The following LPIN1 variants were observed in gnomAD, a reference collection of about 807,000 sequenced individuals.
The protein encoded by LPIN1 is phosphatidate phosphatase LPIN1.
LPIN1 carries 71 observed loss-of-function variants against 107.5 expected under a neutral mutation model. That is an observed-to-expected ratio of 0.66 (90% CI 0.55 to 0.80). The LOEUF is 0.80. Ranked by LOEUF, LPIN1 falls within the 30% of genes least tolerant of loss-of-function variation. The probability of loss-of-function intolerance (pLI) is 0.00; values close to 1 mark genes in which losing one functional copy is unlikely to be tolerated. For synonymous variants in LPIN1, 445 were observed against 452.6 expected, an observed-to-expected ratio of 0.98 and a Z score of 0.21; for missense variants, 1,043 against 1,160.6, an observed-to-expected ratio of 0.90 and a Z score of 1.47.
In LPIN1 at chr2:11,785,017, T is replaced by G. The variant is rs779902634; in HGVS notation, c.1490T>G (p.Leu497Arg). The change falls in exon 10 of 21, where the codon CTC becomes CGC. Residue 497 changes from leucine (L) to arginine (R), a missense_variant. Transcript: ENST00000674199. The part of the protein sequence containing the change: ...VESTSDGLRD[L>R]PSIAISLCGG... ...AGCACCTCGGACGGGCTGAGGGACCTCCCTTCCATCGCCATCTCCCTCTGC... is the reference window on the plus strand; with the variant it reads ...AGCACCTCGGACGGGCTGAGGGACCGCCCTTCCATCGCCATCTCCCTCTGC... 6.2e-7 allele frequency: 1 copy of G among 1,609,212 alleles called. No individual in the cohort carries two copies. Among genetic ancestry groups the G allele is most frequent in the Non-Finnish European group, 8.5e-7 (1 of 1,177,032 alleles).
intron 1 of LPIN1, among the ~76,000 whole-genome samples, chr2:11,761,235 A>C (rs73185123): frequency 0.064 from 9,680 of 152,292 alleles, 1,014 homozygotes; most frequent in African/African-American, 0.22. Context: ...TGGAAGGAAT[A>C]AGAAGTATTA....
intron 1 of LPIN1, among the ~76,000 whole-genome samples, chr2:11,728,708 G>T (rs898437047): frequency 9.2e-5 from 14 of 151,488 alleles, no homozygotes; most frequent in African/African-American, 2.7e-4. Context: ...TCTGTTCTTT[G>T]TTTTTTTTCT....
intron 12 of LPIN1, among the ~76,000 whole-genome samples, chr2:11,789,085 T>A (rs1675182782): frequency 6.6e-6 from 1 of 152,260 alleles, no homozygotes; most frequent in African/African-American, 2.4e-5. Context: ...CAATGATAGA[T>A]CTTCCTGCTA....
chr2:11,694,494 G>GA (rs560469095), intron 1 of LPIN1, among the ~76,000 whole-genome samples: 191 of 152,262 alleles, frequency 1.3e-3, no homozygotes, highest in African/African-American at 4.5e-3. Flanking sequence ...CTGCAGCATT[G>GA]AGTGTCTGTG....
chr2:11,794,971 T>A (rs967642235), intron 13 of LPIN1, among the ~76,000 whole-genome samples: 4 of 152,180 alleles, frequency 2.6e-5, no homozygotes, highest in African/African-American at 9.7e-5. Context: ...GAGTATGTCA[T>A]CTTGGAAAAG....
intron 1 of LPIN1, among the ~76,000 whole-genome samples, chr2:11,701,502 C>G (rs1572347560): frequency 6.6e-6 from 1 of 152,286 alleles, no homozygotes; most frequent in African/African-American, 2.4e-5. Flanking sequence ...GTGGCACACA[C>G]AGTAGACTCT....
intron 3 of LPIN1, among the ~76,000 whole-genome samples, chr2:11,768,842 A>G (rs553584194): frequency 2.6e-5 from 4 of 152,322 alleles, no homozygotes; most frequent in Admixed American, 1.3e-4. Context: ...AGACTGAGGC[A>G]GGAGAATGGC....
At chr2:11,709,178 C>T (rs994302363) in intron 1 of LPIN1, among the ~76,000 whole-genome samples, 3 of 152,206 alleles carry the variant, frequency 2.0e-5, no homozygotes, top group African/African-American at 4.8e-5. Context: ...CCATCTCCCC[C>T]CTACTCAGAG....
intron 1 of LPIN1, among the ~76,000 whole-genome samples, chr2:11,764,051 C>A: frequency 9.3e-6 from 1 of 108,030 alleles, no homozygotes; most frequent in African/African-American, 3.8e-5. Flanking sequence ...ATCCTATCTT[C>A]AAATGTGTGT....
At chr2:11,740,268 T>C (rs1666205013) in intron 1 of LPIN1, among the ~76,000 whole-genome samples, 1 of 152,142 alleles carries the variant, frequency 6.6e-6, no homozygotes, top group Non-Finnish European at 1.5e-5. Context: ...TGAGGATGAA[T>C]CTTCCTTCCT....
chr2:11,736,900 C>T (rs1665842666), intron 1 of LPIN1, among the ~76,000 whole-genome samples: 1 of 152,198 alleles, frequency 6.6e-6, no homozygotes, highest in Non-Finnish European at 1.5e-5. Context: ...AATATCATCC[C>T]TGGGACTGGC....
rs541100444 is a variant in LPIN1, at chr2:11,826,584, A to T, written c.*1793A>T. The stretch of plus-strand genomic sequence containing the variant: ...CTGCGCTTGTTCACTAGTAACCTAA[A>T]GAGGCTATATTCATTCTTTATGCAA... On this transcript the variant is annotated 3_prime_UTR_variant, in exon 21 of 21. Transcript: ENST00000674199. 3.8e-4 allele frequency: 58 copies of T among 151,984 alleles called. No individual in the cohort carries two copies. The highest frequency in any genetic ancestry group is 1.3e-3 in the African/African-American group (55 of 41,452). 9.4% of individuals were successfully genotyped at this position (151,984 alleles called of 1,614,324 possible). A position where few individuals can be genotyped will look rare whatever the true frequency, so the allele number is the denominator to read the frequency against.
chr2:11,822,436 T>A, intron 20 of LPIN1, among the ~76,000 whole-genome samples: 1 of 145,598 alleles, frequency 6.9e-6, no homozygotes, highest in African/African-American at 2.6e-5. Flanking sequence ...GGTGACAGAG[T>A]GAGACTCCAT....
At chr2:11,734,698 A>G (rs1248399258) in intron 1 of LPIN1, among the ~76,000 whole-genome samples, 1 of 152,252 alleles carries the variant, frequency 6.6e-6, no homozygotes, top group Non-Finnish European at 1.5e-5. Flanking sequence ...CGGCCTCCAG[A>G]TCTCTTAGGA....
At chr2:11,770,983 C>G (rs553607349) in intron 3 of LPIN1, among the ~76,000 whole-genome samples, 1 of 152,240 alleles carries the variant, frequency 6.6e-6, no homozygotes, top group African/African-American at 2.4e-5. Flanking sequence ...ACACCCACAT[C>G]TACACAGAAG....
chr2:11,698,689 A>G (rs1662712908), intron 1 of LPIN1, among the ~76,000 whole-genome samples: 1 of 152,226 alleles, frequency 6.6e-6, no homozygotes, highest in Admixed American at 6.5e-5. Context: ...TAAACAGAAT[A>G]AGCTTTGTTG....
In LPIN1 at chr2:11,741,158, A is replaced by C. The variant is rs1666323110; in HGVS notation, c.-71-191A>C. The C allele has an allele frequency of 8.8e-6, 4 of 457,120 alleles. No homozygotes were observed. In the Admixed American group the frequency reaches 1.6e-4, roughly 18 times the overall value. The allele number at this position is 457,120 out of a possible 1,614,324, so 28.3% of individuals were successfully genotyped here. A position where few individuals can be genotyped will look rare whatever the true frequency, so the allele number is the denominator to read the frequency against. ...GAAATTCTCCCTGGAAGGCAGAGCT[A>C]AGAGATGTCAGCCCTGAGGCTTAGC... On this transcript the variant is annotated intron_variant, in intron 1 of 21. Transcript: ENST00000396097.
At chr2:11,800,247 G>T (rs574690476) in intron 14 of LPIN1, among the ~76,000 whole-genome samples, 1 of 152,288 alleles carries the variant, frequency 6.6e-6, no homozygotes, top group East Asian at 1.9e-4. Flanking sequence ...CTTTCCTGGG[G>T]CCCAGGGAGC....
chr2:11,806,031 G>A (rs1471906862), intron 17 of LPIN1, among the ~76,000 whole-genome samples: 1 of 152,188 alleles, frequency 6.6e-6, no homozygotes, highest in Non-Finnish European at 1.5e-5. Context: ...TCTCCAGCCA[G>A]TTAGAGCTGG....
Sources: allele counts gnomAD v4.1 joint callset (sites outside exome capture counted in the v4.1 genomes callset), GRCh38; gene constraint gnomAD v4.1.1; transcripts MANE v1.5; gene names NCBI Gene and HGNC (gene_info 2026-07-23, HGNC 2026-07-21).